SRR: variants seen among roughly 807,000 people sequenced by gnomAD.
SRR encodes D-serine ammonia-lyase.
A neutral mutation model predicts 32.7 loss-of-function variants in SRR; 19 were observed. That is an observed-to-expected ratio of 0.58 (90% CI 0.40 to 0.85). The LOEUF (loss-of-function observed/expected upper bound fraction) is 0.85, where lower values mean the gene tolerates loss of function less well. SRR is among the 40% of genes least tolerant of loss of function. The pLI is 0.00. For missense variants in SRR, 373 were observed against 404.7 expected, an observed-to-expected ratio of 0.92 and a Z score of 0.67; for synonymous variants, 142 against 140.9, an observed-to-expected ratio of 1.01 and a Z score of -0.06.
intron 2 of SRR, among the ~76,000 whole-genome samples, chr17:2,317,237 T>C (rs775197747): frequency 3.0e-3 from 314 of 104,224 alleles, no homozygotes; most frequent in Admixed American, 7.0e-3. Context: ...AAAGGCCGGG[T>C]GCGGTGGCTC....
chr17:2,320,569 ATTTAT>A (rs1188939252), intron 4 of SRR, among the ~76,000 whole-genome samples: 3 of 142,488 alleles, frequency 2.1e-5, no homozygotes, highest in Non-Finnish European at 3.0e-5. Context: ...TCTTCTTTTT[ATTTAT>A]TTTGAGACAG....
At chr17:2,308,517 C>G (rs1471306967) in intron 1 of SRR, among the ~76,000 whole-genome samples, 1 of 152,202 alleles carries the variant, frequency 6.6e-6, no homozygotes, top group Admixed American at 6.5e-5. Flanking sequence ...TAAATCTCAA[C>G]AAATTGTACC....
chr17:2,309,903 G>A (rs1026776402), intron 1 of SRR: 3 of 151,950 alleles, frequency 2.0e-5, no homozygotes, highest in Admixed American at 6.6e-5. Flanking sequence ...TAAAACATAC[G>A]AGCTGTCAGC....
chr17:2,303,941 GC>G, upstream of SRR: 5 of 391,804 alleles, frequency 1.3e-5, no homozygotes, highest in South Asian at 4.1e-5. Context: ...GGGCGGGCGG[GC>G]GCTGCGCGTG....
chr17:2,303,719 A>T (rs1257334437), upstream of SRR: 1 of 1,492,028 alleles, frequency 6.7e-7, no homozygotes, highest in Non-Finnish European at 8.9e-7. Flanking sequence ...CCCTTCCGCC[A>T]TCTTCGCGGC....
rs1019158596 is a variant in SRR, at chr17:2,324,434, T to G, written c.*561T>G. The G allele has an allele frequency of 2.5e-6, 4 of 1,610,654 alleles. No homozygotes were observed. The highest frequency in any genetic ancestry group is 3.4e-6 in the Non-Finnish European group (4 of 1,178,542). On this transcript the variant is annotated 3_prime_UTR_variant, in exon 8 of 8. Transcript: ENST00000344595. ...AAGTAGAAAATTTTAAAGCAATGAC[T>G]TCCAACCCAACAGTCATTTAGCAAC...
intron 4 of SRR, 28 bp from the exon 5 acceptor site, chr17:2,321,278 C>T: frequency 6.2e-7 from 1 of 1,609,844 alleles, no homozygotes; most frequent in Non-Finnish European, 8.5e-7. Flanking sequence ...AAATACAAAT[C>T]AATTAAGCTA....
In SRR at chr17:2,324,623, C is replaced by T; in HGVS notation, c.*750C>T. 1 of 1,613,988 alleles carries T rather than the reference C, an allele frequency of 6.2e-7. No homozygotes were observed. On this transcript the variant is annotated 3_prime_UTR_variant, in exon 8 of 8. Coordinates refer to ENST00000344595, the MANE Select transcript of SRR (RefSeq NM_021947.3). Reference sequence around the variant, plus strand: ...AAGACCAAGATGAAACATTTACCCACAAAATGTAAACCCAACCTTTATACC... The same window carrying T: ...AAGACCAAGATGAAACATTTACCCATAAAATGTAAACCCAACCTTTATACC...
chr17:2,321,770 A>G (rs2075530778), intron 6 of SRR, among the ~76,000 whole-genome samples, 154 bp downstream of exon 6: 1 of 151,582 alleles, frequency 6.6e-6, no homozygotes, highest in African/African-American at 2.4e-5. Context: ...CTGCCTCACT[A>G]CTCTATTTAC....
At chr17:2,309,151 C>T (rs2075416117) in intron 1 of SRR, among the ~76,000 whole-genome samples, 2 of 152,052 alleles carry the variant, frequency 1.3e-5, no homozygotes, top group African/African-American at 2.4e-5. Flanking sequence ...TTTGTAGAGG[C>T]AGGGTTTCCC....
At position 2,324,922 on chromosome 17, in the gene SRR, G is replaced by C. The variant is rs1161867422; in HGVS notation, c.*1049G>C. On this transcript the variant is annotated 3_prime_UTR_variant, in exon 8 of 8. Transcript: ENST00000344595. ...CATTTAAAGACCCATGCAAGAGCCT[G>C]GTTTGTCATCCCTGCCCTAGCCCAA... is the stretch of plus-strand genomic sequence containing the variant. 6.9e-7 allele frequency: 1 copy of C among 1,444,328 alleles called. No individual in the cohort carries two copies. Among genetic ancestry groups the C allele is most frequent in the African/African-American group, 1.4e-5 (1 of 69,998 alleles). The allele number at this position is 1,444,328 out of a possible 1,614,324, so 89.5% of individuals were successfully genotyped here. A position where few individuals can be genotyped will look rare whatever the true frequency, so the allele number is the denominator to read the frequency against.
At chr17:2,303,645 C>T (rs1175548055), upstream of SRR, 5 of 1,486,930 alleles carry the variant, frequency 3.4e-6, no homozygotes, top group Non-Finnish European at 4.4e-6. Flanking sequence ...CTGCTCCCGG[C>T]CTGCGGGGCC....
chr17:2,320,011 G>C (rs1287464921), intron 4 of SRR, among the ~76,000 whole-genome samples: 2 of 150,968 alleles, frequency 1.3e-5, no homozygotes, highest in African/African-American at 4.9e-5. Flanking sequence ...GTAGAGACGG[G>C]GTTTCACTGT....
chr17:2,315,362 A>G (rs2075465069), intron 1 of SRR, 195 bp from the exon 2 acceptor site: 3 of 480,044 alleles, frequency 6.2e-6, no homozygotes, highest in Non-Finnish European at 7.1e-6. Context: ...TACTTCCCTC[A>G]AAGCTTCACC....
upstream of SRR, chr17:2,303,849 T>C: frequency 1.7e-6 from 1 of 589,118 alleles, no homozygotes; most frequent in Non-Finnish European, 2.5e-6. Context: ...GCCCTCCCTT[T>C]CCGAACGACG....
intron 7 of SRR, 53 bp from the exon 8 acceptor site, chr17:2,323,602 T>C: frequency 6.3e-7 from 1 of 1,580,154 alleles, no homozygotes; most frequent in Non-Finnish European, 8.7e-7. Flanking sequence ...ACTTTATAGG[T>C]AAACCAACTA....
At chr17:2,312,578 G>C (rs915661799) in intron 1 of SRR, among the ~76,000 whole-genome samples, 2 of 152,286 alleles carry the variant, frequency 1.3e-5, no homozygotes, top group South Asian at 4.1e-4. Flanking sequence ...CTGGGCAACA[G>C]AGCAAGACTC....
At chr17:2,307,745 G>C in intron 1 of SRR, 2 of 949,080 alleles carry the variant, frequency 2.1e-6, no homozygotes, top group Non-Finnish European at 3.4e-6. Context: ...AGCATGAGAG[G>C]AGAGCCAGCG....
chr17:2,317,463 G>A (rs957921878), intron 2 of SRR, among the ~76,000 whole-genome samples: 2 of 150,584 alleles, frequency 1.3e-5, no homozygotes, highest in African/African-American at 4.9e-5. Context: ...AGTGAGCCGA[G>A]ATCGCGCCAC....
Sources: gnomAD v4.1 joint callset for allele counts (sites outside exome capture counted in the v4.1 genomes callset) on GRCh38, gnomAD v4.1.1 for gene constraint, MANE v1.5 for transcripts, NCBI Gene and HGNC (gene_info 2026-07-23, HGNC 2026-07-21) for gene names.